FREM2: variants seen among roughly 807,000 people sequenced by gnomAD.
The protein encoded by FREM2 is FRAS1-related extracellular matrix protein 2.
Under a neutral mutation model 219.9 loss-of-function variants are expected in FREM2, and 119 were observed. The observed-to-expected ratio is 0.54, with a 90% CI of 0.47 to 0.63. The LOEUF (loss-of-function observed/expected upper bound fraction) is 0.63. Among genes scored for constraint, FREM2 ranks in the 30% least tolerant of loss-of-function variants. The probability of loss-of-function intolerance (pLI) is 0.00; values close to 1 mark genes in which losing one functional copy is unlikely to be tolerated. For synonymous variants in FREM2, 1,562 were observed against 1,522.8 expected, an observed-to-expected ratio of 1.03 and a Z score of -0.60; for missense variants, 4,030 against 3,993.6, an observed-to-expected ratio of 1.01 and a Z score of -0.25.
rs767983230 is a variant in FREM2 at position 38,690,138 on chromosome 13, A to G, written c.2794A>G (p.Asn932Asp). ...HHVVPITLRV[N>D]VRPVDDEVPI... ...TGTGGTGCCCATCACTCTCAGAGTA[A>G]ATGTCCGGCCAGTGGATGATGAAGT... The change falls in exon 1 of 24, where the codon AAT becomes GAT. Residue 932 changes from asparagine to aspartate, a missense_variant. Physicochemically the swap from Asn to Asp is conservative, Grantham distance 23. Around this residue, in one of 2 missense-constraint regions of FREM2, gnomAD observed 3,102 missense variants for 2,950.7 expected, o/e 1.05. Coordinates refer to ENST00000280481, the MANE Select transcript of FREM2 (RefSeq NM_207361.6). 6.2e-7 allele frequency: 1 copy of G among 1,614,150 alleles called. No homozygotes were observed. The highest frequency in any genetic ancestry group is 1.7e-5 in the Admixed American group (1 of 60,018).
intron 6 of FREM2, among the ~76,000 whole-genome samples, chr13:38,824,641 C>G (rs1201175645): frequency 6.6e-6 from 1 of 151,752 alleles, no homozygotes; most frequent in Non-Finnish European, 1.5e-5. Flanking sequence ...TGAAGCTGTC[C>G]TCTTGAGCTG....
intron 16 of FREM2, among the ~76,000 whole-genome samples, chr13:38,866,986 G>A (rs1271054626): frequency 2.0e-5 from 3 of 152,156 alleles, no homozygotes; most frequent in Admixed American, 2.0e-4. Context: ...ATCAGCTAAA[G>A]TGACTATACT....
chr13:38,810,063 G>T (rs1040775158), intron 6 of FREM2, among the ~76,000 whole-genome samples: 1 of 151,790 alleles, frequency 6.6e-6, no homozygotes, highest in African/African-American at 2.4e-5. Flanking sequence ...TGATTCCTAA[G>T]TATTTAATTT....
rs146847903 is a variant in FREM2 at position 38,850,168 on chromosome 13, T to C, written c.6510T>C (p.Ser2170=). 5 of 1,613,942 alleles carry C rather than the reference T, an allele frequency of 3.1e-6. No individual in the cohort carries two copies. Among genetic ancestry groups the C allele is most frequent in the African/African-American group, 1.3e-5 (1 of 74,936 alleles). Residue 2170 remains serine, a synonymous_variant, in exon 9 of 24, where the codon TCT becomes TCC. Transcript: ENST00000280481. ...TGAGATGCTACACCCGGCAGGGGTC[T>C]GCACAGGTGATGATGGACTTTGAAG... ...SSVRCYTRQG[S]AQVMMDFEER...
intron 14 of FREM2, 45 bp from the exon 15 acceptor site, chr13:38,861,386 T>C (rs1253024101): frequency 1.3e-6 from 2 of 1,598,714 alleles, no homozygotes; most frequent in Non-Finnish European, 1.7e-6. Context: ...TAGGTATTAT[T>C]GATTACCTTC....
chr13:38,729,275 T>A lies in FREM2; in HGVS notation c.5263+31488T>A, dbSNP rs377606075. Among the ~76,000 whole-genome samples the A allele has an allele frequency of 8.5e-5, 13 of 152,300 alleles. No homozygotes were observed. The South Asian group carries it at 1.4e-3, about 17-fold the overall frequency. On this transcript the variant is annotated intron_variant, in intron 2 of 23. Transcript: ENST00000280481. ...TGATTCACTCTATGGGCTAGAATGA[T>A]GATTTTCTGTGTGTGTCTATGACAT... is the stretch of plus-strand genomic sequence containing the variant.
Position 38,878,125 on chromosome 13 carries a change from C to G in FREM2, c.8672-9C>G, listed in dbSNP as rs1409474162. On this transcript the variant is annotated splice_polypyrimidine_tract_variant and intron_variant, in intron 21 of 23. Transcript: ENST00000280481. The stretch of plus-strand genomic sequence containing the variant: ...TAACAGAAATAACATTTCCACATCT[C>G]TATTTCAGGTGATATAATTTATGGT... The G allele has an allele frequency of 5.0e-6, 8 of 1,608,560 alleles. No homozygotes were observed. The East Asian group carries it at 1.8e-4, about 36-fold the overall frequency.
intron 7 of FREM2, among the ~76,000 whole-genome samples, chr13:38,847,240 C>T (rs1387475310): frequency 6.6e-6 from 1 of 152,170 alleles, no homozygotes; most frequent in Non-Finnish European, 1.5e-5. Context: ...ATTCCGGGAT[C>T]CACATCTCCA....
chr13:38,802,983 T>G (rs1431582987), intron 6 of FREM2, among the ~76,000 whole-genome samples: 1 of 152,134 alleles, frequency 6.6e-6, no homozygotes, highest in Non-Finnish European at 1.5e-5. Context: ...CTTCTTTGCT[T>G]TTGGTGCTTC....
At chr13:38,804,280 T>C (rs1204460369) in intron 6 of FREM2, among the ~76,000 whole-genome samples, 1 of 151,654 alleles carries the variant, frequency 6.6e-6, no homozygotes, top group Non-Finnish European at 1.5e-5. Flanking sequence ...AGTGAAAGCA[T>C]TCCAGGGATT....
chr13:38,752,065 G>A lies in FREM2; in HGVS notation c.5264-12239G>A, dbSNP rs116442859. On this transcript the variant is annotated intron_variant, in intron 2 of 23. Transcript: ENST00000280481. ...ATAATACTACACGCTAAGCAGCAAAGCTAGCTTCGCAAAACTAATCTGAAA... is the reference window on the plus strand; with the variant it reads ...ATAATACTACACGCTAAGCAGCAAAACTAGCTTCGCAAAACTAATCTGAAA... Among the ~76,000 whole-genome samples the A allele has an allele frequency of 8.0e-3, 1,222 of 152,306 alleles. 23 individuals are homozygous for A. Among genetic ancestry groups the A allele is most frequent in the African/African-American group, 0.028 (1,175 of 41,554 alleles).
intron 6 of FREM2, among the ~76,000 whole-genome samples, chr13:38,824,428 C>A (rs1235771073): frequency 6.6e-6 from 1 of 152,000 alleles, no homozygotes; most frequent in East Asian, 1.9e-4. Flanking sequence ...AAATAAAGAC[C>A]GTGGCATTTT....
intron 15 of FREM2, 73 bp from the exon 16 acceptor site, chr13:38,864,202 T>C: frequency 8.9e-7 from 1 of 1,128,290 alleles, no homozygotes; most frequent in South Asian, 1.3e-5. Context: ...TCTTAAGAGA[T>C]AAAGAAGTTT....
intron 15 of FREM2, among the ~76,000 whole-genome samples, chr13:38,862,243 C>T (rs987150689): frequency 2.6e-5 from 4 of 152,256 alleles, no homozygotes; most frequent in South Asian, 2.1e-4. Context: ...GGAGCTGCAA[C>T]GTAGAATCTA....
At chr13:38,717,216 C>G (rs1246365426) in intron 2 of FREM2, among the ~76,000 whole-genome samples, 1 of 151,954 alleles carries the variant, frequency 6.6e-6, no homozygotes, top group Non-Finnish European at 1.5e-5. Context: ...ACTCTTTTCT[C>G]CTTCCATGTC....
chr13:38,781,924 A>G (rs1874133045), intron 4 of FREM2, among the ~76,000 whole-genome samples: 1 of 152,178 alleles, frequency 6.6e-6, no homozygotes, highest in Non-Finnish European at 1.5e-5. Context: ...GAGGGTGTGC[A>G]GCCAGCTCTG....
Position 38,881,213 on chromosome 13 carries a change from A to T in FREM2, c.*426A>T. The T allele has an allele frequency of 4.2e-6, 1 of 240,560 alleles. No homozygotes were observed. The allele number at this position is 240,560 out of a possible 1,614,324, so 14.9% of individuals were successfully genotyped here. A position where few individuals can be genotyped will look rare whatever the true frequency, so the allele number is the denominator to read the frequency against. On this transcript the variant is annotated 3_prime_UTR_variant, in exon 24 of 24. Coordinates refer to ENST00000280481, the MANE Select transcript of FREM2 (RefSeq NM_207361.6). ...ATTAATTGTATAACAGATTATTACT[A>T]GAAAGGTTTTTGTTGCTAGTCTGGA...
intron 6 of FREM2, among the ~76,000 whole-genome samples, chr13:38,787,259 T>G (rs1377140408): frequency 6.6e-6 from 1 of 152,184 alleles, no homozygotes; most frequent in Non-Finnish European, 1.5e-5. Context: ...CATTGCTTCT[T>G]CATTCACTCA....
chr13:38,831,489 T>C (rs1387082351), intron 6 of FREM2, among the ~76,000 whole-genome samples: 1 of 152,194 alleles, frequency 6.6e-6, no homozygotes, highest in Non-Finnish European at 1.5e-5. Flanking sequence ...ATTCTAGACA[T>C]GTATTGACTT....
Sources: allele counts gnomAD v4.1 joint callset (sites outside exome capture counted in the v4.1 genomes callset), GRCh38; gene constraint gnomAD v4.1.1; regional missense constraint gnomAD v4.1.1; transcripts MANE v1.5; gene names NCBI Gene and HGNC (gene_info 2026-07-23, HGNC 2026-07-21).